The following PDGFC variants were observed in gnomAD, a reference collection of about 807,000 sequenced individuals.
The protein encoded by PDGFC is platelet derived growth factor C, also known as platelet-derived growth factor C.
Under a neutral mutation model 35.5 loss-of-function variants are expected in PDGFC, and 12 were observed. The ratio of observed to expected loss-of-function variants is 0.34; its 90% CI spans 0.22 to 0.55. The LOEUF (loss-of-function observed/expected upper bound fraction) is 0.55. PDGFC is among the 20% of genes least tolerant of loss of function. The pLI is 0.91. For synonymous variants in PDGFC, 159 were observed against 148.8 expected, an observed-to-expected ratio of 1.07 and a Z score of -0.50; for missense variants, 322 against 412.4, an observed-to-expected ratio of 0.78 and a Z score of 1.90.
intron 3 of PDGFC, among the ~76,000 whole-genome samples, chr4:156,789,818 T>C (rs1310781652): frequency 6.6e-6 from 1 of 151,398 alleles, no homozygotes; most frequent in Non-Finnish European, 1.5e-5. Flanking sequence ...CTAATAAAAA[T>C]ACAAAAAAGT....
intron 1 of PDGFC, among the ~76,000 whole-genome samples, chr4:156,903,626 C>A (rs2110775573): frequency 6.6e-6 from 1 of 152,174 alleles, no homozygotes; most frequent in Admixed American, 6.5e-5. Flanking sequence ...AGAATGAATT[C>A]TGACTAATGA....
intron 1 of PDGFC, among the ~76,000 whole-genome samples, chr4:156,856,097 TATC>T (rs1036285018): frequency 1.3e-5 from 2 of 152,154 alleles, no homozygotes; most frequent in Non-Finnish European, 2.9e-5. Context: ...GTTTCTGCTT[TATC>T]ATCATTTCCC....
intron 1 of PDGFC, among the ~76,000 whole-genome samples, chr4:156,969,994 C>T (rs1302291542): frequency 6.6e-6 from 1 of 151,990 alleles, no homozygotes; most frequent in African/African-American, 2.4e-5. Flanking sequence ...AATTACACAC[C>T]CTGAAGCTGC....
intron 4 of PDGFC, 27 bp downstream of exon 4, chr4:156,772,659 A>G (rs1185955521): frequency 2.7e-6 from 4 of 1,457,774 alleles, no homozygotes; most frequent in African/African-American, 1.4e-5. Context: ...AAATTAAATG[A>G]GGTTCTAATC....
intron 1 of PDGFC, among the ~76,000 whole-genome samples, chr4:156,955,854 T>C (rs1455385494): frequency 6.6e-6 from 1 of 151,964 alleles, no homozygotes; most frequent in East Asian, 1.9e-4. Flanking sequence ...CCAAAAGTAG[T>C]TCATTTTTGA....
In PDGFC at chr4:156,863,103, CTT is replaced by C. The variant is rs1229259780; in HGVS notation, c.119-12689_119-12688del. On this transcript the variant is annotated intron_variant, in intron 1 of 5. Transcript: ENST00000502773. ...ATAAAAACTAATTGTATCATGCACA[CTT>C]AATTATTATGAAAACAGAATTAGTT... Among the ~76,000 whole-genome samples, 3 of 152,232 alleles carry C rather than the reference CTT, an allele frequency of 2.0e-5. No homozygotes were observed. In the East Asian group the frequency reaches 5.8e-4, roughly 29 times the overall value.
At chr4:156,944,522 A>G (rs1731889605) in intron 1 of PDGFC, among the ~76,000 whole-genome samples, 1 of 152,150 alleles carries the variant, frequency 6.6e-6, no homozygotes, top group Non-Finnish European at 1.5e-5. Flanking sequence ...TACTTTCACC[A>G]TCACAATCAA....
chr4:156,846,852 T>C (rs899704159), intron 2 of PDGFC, among the ~76,000 whole-genome samples: 5 of 151,562 alleles, frequency 3.3e-5, no homozygotes, highest in Non-Finnish European at 1.5e-5. Flanking sequence ...GCACTTCAAA[T>C]GAAAAAGTAA....
At chr4:156,951,878 T>A (rs1268177071) in intron 1 of PDGFC, among the ~76,000 whole-genome samples, 1 of 151,820 alleles carries the variant, frequency 6.6e-6, no homozygotes, top group African/African-American at 2.4e-5. Flanking sequence ...CAAGCATAAA[T>A]TTTAGAAGTA....
intron 2 of PDGFC, among the ~76,000 whole-genome samples, chr4:156,819,244 T>G (rs1313027499): frequency 6.6e-6 from 1 of 151,206 alleles, no homozygotes; most frequent in Non-Finnish European, 1.5e-5. Flanking sequence ...AAGGTGGATA[T>G]GCTAAAAAAA....
chr4:156,783,545 A>G (rs1360039398), intron 3 of PDGFC, among the ~76,000 whole-genome samples: 1 of 151,948 alleles, frequency 6.6e-6, no homozygotes, highest in Non-Finnish European at 1.5e-5. Flanking sequence ...ACTAATAAAG[A>G]CTCAGCTTCT....
chr4:156,905,911 C>CA (rs1327207866), intron 1 of PDGFC, among the ~76,000 whole-genome samples: 16 of 151,914 alleles, frequency 1.1e-4, no homozygotes, highest in Admixed American at 7.2e-4. Context: ...TACATCACCT[C>CA]AAAAATACAT....
intron 4 of PDGFC, among the ~76,000 whole-genome samples, chr4:156,769,704 C>T (rs1053552480): frequency 1.3e-5 from 2 of 151,918 alleles, no homozygotes; most frequent in African/African-American, 4.8e-5. Flanking sequence ...GCCAACTTAT[C>T]CCTAATAAAA....
intron 1 of PDGFC, among the ~76,000 whole-genome samples, chr4:156,949,270 A>G (rs1732022195): frequency 6.6e-6 from 1 of 151,950 alleles, no homozygotes; most frequent in Non-Finnish European, 1.5e-5. Flanking sequence ...AATAACAGAG[A>G]GAAGTTGAAA....
intron 1 of PDGFC, among the ~76,000 whole-genome samples, chr4:156,963,121 A>G (rs894143516): frequency 6.6e-6 from 1 of 152,008 alleles, no homozygotes; most frequent in Non-Finnish European, 1.5e-5. Context: ...AACCCCAGCA[A>G]CAACCCAATA....
chr4:156,763,339 C>G (rs187667022), intron 5 of PDGFC, 133 bp from the exon 6 acceptor site: 4 of 441,350 alleles, frequency 9.1e-6, no homozygotes, highest in African/African-American at 4.2e-5. Flanking sequence ...TCCTAGAGCA[C>G]GCATTATGAA....
intron 1 of PDGFC, among the ~76,000 whole-genome samples, chr4:156,869,358 C>A (rs1729923483): frequency 6.6e-6 from 1 of 151,956 alleles, no homozygotes; most frequent in Admixed American, 6.6e-5. Context: ...ATGGCTTGAA[C>A]CCAGGAGGTA....
chr4:156,859,672 G>T (rs981789580), intron 1 of PDGFC, among the ~76,000 whole-genome samples: 2 of 151,940 alleles, frequency 1.3e-5, no homozygotes, highest in Admixed American at 6.6e-5. Context: ...AACAATTTTT[G>T]TCAATCTTAA....
intron 2 of PDGFC, among the ~76,000 whole-genome samples, chr4:156,831,196 C>T (rs1156789486): frequency 2.0e-5 from 3 of 152,076 alleles, no homozygotes; most frequent in South Asian, 4.1e-4. Flanking sequence ...AGTAGGCAAT[C>T]GACTAGTCAA....
Sources: gnomAD v4.1 joint callset for allele counts (sites outside exome capture counted in the v4.1 genomes callset) on GRCh38, gnomAD v4.1.1 for gene constraint, MANE v1.5 for transcripts, NCBI Gene and HGNC (gene_info 2026-07-23, HGNC 2026-07-21) for gene names.